OSTF1: variants seen among roughly 807,000 people sequenced by gnomAD.
OSTF1 encodes osteoclast stimulating factor 1.
In OSTF1, 27 loss-of-function variants were observed where a neutral mutation model predicts 37.2. The ratio of observed to expected loss-of-function variants is 0.73; its 90% confidence interval spans 0.54 to 1.00. The LOEUF (loss-of-function observed/expected upper bound fraction) is 1.00, where lower values mean the gene tolerates loss of function less well. Ranked by LOEUF, OSTF1 falls within the 50% of genes least tolerant of loss-of-function variation. The pLI is 0.00. For missense variants in OSTF1, 232 were observed against 253.8 expected (o/e 0.91, Z 0.58); for synonymous variants, 82 against 89.2 (o/e 0.92, Z 0.46).
At chr9:75,105,266 T>G (rs1825263985) in intron 1 of OSTF1, among the ~76,000 whole-genome samples, 1 of 152,128 alleles carries the variant, frequency 6.6e-6, no homozygotes, top group South Asian at 2.1e-4. Flanking sequence ...GACTTGTTAC[T>G]TGCAAAAAGA....
At chr9:75,118,474 T>G (rs770913609) in intron 2 of OSTF1, among the ~76,000 whole-genome samples, 1 of 151,980 alleles carries the variant, frequency 6.6e-6, no homozygotes, top group Non-Finnish European at 1.5e-5. Context: ...TGGGTAAGAT[T>G]GGAGGTGAGT....
chr9:75,145,369 A>G (rs1178500126), intron 9 of OSTF1, among the ~76,000 whole-genome samples: 1 of 152,162 alleles, frequency 6.6e-6, no homozygotes, highest in Non-Finnish European at 1.5e-5. Flanking sequence ...CTTTCTTGGT[A>G]GTAGAAGGAA....
intron 3 of OSTF1, among the ~76,000 whole-genome samples, chr9:75,130,121 T>C (rs1291806355): frequency 6.6e-6 from 1 of 152,192 alleles, no homozygotes; most frequent in Non-Finnish European, 1.5e-5. Context: ...TATATGGTCA[T>C]TACATTGTTC....
intron 2 of OSTF1, among the ~76,000 whole-genome samples, chr9:75,124,227 T>C (rs1326901345): frequency 6.6e-6 from 1 of 152,218 alleles, no homozygotes; most frequent in African/African-American, 2.4e-5. Flanking sequence ...AATCACATCA[T>C]GGGATATTAA....
intron 1 of OSTF1, among the ~76,000 whole-genome samples, chr9:75,101,640 C>G (rs1305819791): frequency 1.3e-5 from 2 of 152,236 alleles, no homozygotes; most frequent in South Asian, 2.1e-4. Context: ...ATTTTTTCCT[C>G]TTGTGTTTTA....
intron 3 of OSTF1, among the ~76,000 whole-genome samples, chr9:75,128,435 CAT>C (rs1305183177): frequency 2.5e-4 from 3 of 12,178 alleles, no homozygotes; most frequent in African/African-American, 3.6e-4. Flanking sequence ...ATATTTTGTC[CAT>C]ATATATATAT....
At chr9:75,132,695 A>G (rs1449477554) in intron 5 of OSTF1, among the ~76,000 whole-genome samples, 1 of 152,202 alleles carries the variant, frequency 6.6e-6, no homozygotes, top group Non-Finnish European at 1.5e-5. Context: ...ATTATTGGTT[A>G]GGATTGTGAA....
At chr9:75,136,113 C>T (rs1825838753) in intron 7 of OSTF1, among the ~76,000 whole-genome samples, 2 of 152,188 alleles carry the variant, frequency 1.3e-5, no homozygotes, top group African/African-American at 4.8e-5. Flanking sequence ...GAGGAGGGGG[C>T]CTGTACCAGG....
intron 4 of OSTF1, among the ~76,000 whole-genome samples, chr9:75,131,410 A>T (rs1233153314): frequency 6.6e-6 from 1 of 152,266 alleles, no homozygotes; most frequent in Non-Finnish European, 1.5e-5. Context: ...AAATGTAAAA[A>T]TGAACATCAA....
intron 7 of OSTF1, 30 bp from the exon 8 acceptor site, chr9:75,137,508 A>G: frequency 6.9e-7 from 1 of 1,456,674 alleles, no homozygotes; most frequent in Non-Finnish European, 9.6e-7. Context: ...TCTATCTTAA[A>G]AATGGTACTT....
intron 1 of OSTF1, among the ~76,000 whole-genome samples, chr9:75,110,329 T>C (rs1351380983): frequency 6.6e-6 from 1 of 152,234 alleles, no homozygotes. Context: ...GAATGTCATA[T>C]AGTTGGAATC....
rs568084784 is a variant in OSTF1, at chr9:75,114,640, C to T, written c.35-2864C>T. 1.1e-4 allele frequency among the ~76,000 whole-genome samples: 17 copies of T among 152,030 alleles called. No individual in the cohort carries two copies. The South Asian group carries it at 3.5e-3, about 32-fold the overall frequency. ...CAATCTCAGCTCACTGCAACCTCCA[C>T]CTCCTGGGTTCAGGCAATTCTCATG... is the stretch of plus-strand genomic sequence containing the variant. On this transcript the variant is annotated intron_variant, in intron 1 of 9. Coordinates refer to ENST00000346234, the MANE Select transcript of OSTF1 (RefSeq NM_012383.5).
At chr9:75,117,030 C>T (rs1016990266) in intron 1 of OSTF1, among the ~76,000 whole-genome samples, 9 of 151,694 alleles carry the variant, frequency 5.9e-5, no homozygotes, top group Non-Finnish European at 1.0e-4. Context: ...ATATATTTTT[C>T]TATGTAGTCA....
At chr9:75,117,049 T>C (rs768468499) in intron 1 of OSTF1, among the ~76,000 whole-genome samples, 5 of 152,194 alleles carry the variant, frequency 3.3e-5, no homozygotes, top group African/African-American at 4.8e-5. Context: ...CACATTGATA[T>C]ATAATGATAT....
chr9:75,116,366 A>G (rs1825488572), intron 1 of OSTF1, among the ~76,000 whole-genome samples: 1 of 152,172 alleles, frequency 6.6e-6, no homozygotes. Flanking sequence ...GCAAACATTT[A>G]TTAAGTTCTA....
At chr9:75,122,864 C>G (rs1231764518) in intron 2 of OSTF1, among the ~76,000 whole-genome samples, 4 of 152,110 alleles carry the variant, frequency 2.6e-5, no homozygotes, top group Non-Finnish European at 5.9e-5. Flanking sequence ...TTTGTTTTCT[C>G]TTTTTATTAA....
intron 6 of OSTF1, 22 bp downstream of exon 6, chr9:75,133,423 A>G: frequency 4.4e-6 from 6 of 1,369,922 alleles, no homozygotes; most frequent in Non-Finnish European, 6.2e-6. Flanking sequence ...TGTTTGTTAT[A>G]TGTTTCTATG....
rs1824846670 is a variant in OSTF1, at chr9:75,088,524, G to GCCGCTCTGCCTGCGT, written c.-161_-147dup. ...GGGGCGGGGCGGAGCACTCGGCGGA[G>GCCGCTCTGCCTGCGT]CCGCTCTGCCTGCGTCCGCTCTTCC... On this transcript the variant is annotated 5_prime_UTR_variant, in exon 1 of 10. Transcript: ENST00000346234. The GCCGCTCTGCCTGCGT allele has an allele frequency of 7.0e-6, 5 of 709,696 alleles. No individual in the cohort carries two copies. Among genetic ancestry groups the GCCGCTCTGCCTGCGT allele is most frequent in the East Asian group, 5.6e-5 (2 of 36,024 alleles). The allele number at this position is 709,696 out of a possible 1,614,324, so 44.0% of individuals were successfully genotyped here.
intron 1 of OSTF1, among the ~76,000 whole-genome samples, chr9:75,115,090 A>T (rs1825458424): frequency 6.6e-6 from 1 of 152,232 alleles, no homozygotes; most frequent in African/African-American, 2.4e-5. Flanking sequence ...TATGTATATT[A>T]TTCTATGGTG....
Sources: allele counts gnomAD v4.1 joint callset (sites outside exome capture counted in the v4.1 genomes callset), GRCh38; gene constraint gnomAD v4.1.1; transcripts MANE v1.5; gene names NCBI Gene and HGNC (gene_info 2026-07-23, HGNC 2026-07-21).